Variants in DYM observed in about 807,000 individuals in gnomAD.
DYM encodes dyggve-Melchior-Clausen syndrome protein.
Under a neutral mutation model 93.1 loss-of-function variants are expected in DYM, and 78 were observed. That is an observed-to-expected ratio of 0.84 (90% CI 0.70 to 1.01). DYM has a LOEUF of 1.01. Ranked by LOEUF, DYM falls within the 50% of genes least tolerant of loss-of-function variation. The pLI is 0.00. For missense variants in DYM, 789 were observed against 845.0 expected (o/e 0.93, Z 0.82); for synonymous variants, 321 against 319.7 (o/e 1.00, Z -0.04).
chr18:49,366,349 G>T (rs2066515757), intron 5 of DYM, among the ~76,000 whole-genome samples: 1 of 152,144 alleles, frequency 6.6e-6, no homozygotes, highest in Non-Finnish European at 1.5e-5. Context: ...ACAGTAAAAA[G>T]AATCTTAAAA....
intron 14 of DYM, among the ~76,000 whole-genome samples, chr18:49,201,199 T>A (rs765641640): frequency 6.6e-6 from 1 of 152,234 alleles, no homozygotes; most frequent in South Asian, 2.1e-4. Context: ...TACTAAATAT[T>A]TGCCATGTTG....
At chr18:49,216,780 T>A (rs953532746) in intron 13 of DYM, among the ~76,000 whole-genome samples, 3 of 151,742 alleles carry the variant, frequency 2.0e-5, no homozygotes, top group African/African-American at 7.3e-5. Flanking sequence ...AGACCAAAAG[T>A]AGATAAAACC....
chr18:49,375,299 G>GTATA (rs113261543), intron 5 of DYM, among the ~76,000 whole-genome samples: 1,528 of 148,432 alleles, frequency 0.01, 28 homozygotes, highest in African/African-American at 0.036. Context: ...ATATATATAT[G>GTATA]TATATATACA....
At chr18:49,171,038 C>T (rs1426193179) in intron 14 of DYM, among the ~76,000 whole-genome samples, 2 of 151,960 alleles carry the variant, frequency 1.3e-5, no homozygotes, top group South Asian at 2.1e-4. Flanking sequence ...AAACAAAAAA[C>T]GAAGTCACTG....
chr18:49,396,510 T>C (rs1243365196), intron 2 of DYM, among the ~76,000 whole-genome samples: 1 of 152,198 alleles, frequency 6.6e-6, no homozygotes, highest in Admixed American at 6.5e-5. Context: ...ATCACGTCAG[T>C]GCTCAAAAAG....
At chr18:49,341,197 A>C (rs571287211) in intron 6 of DYM, among the ~76,000 whole-genome samples, 148 of 152,322 alleles carry the variant, frequency 9.7e-4, no homozygotes, top group Non-Finnish European at 1.2e-3. Flanking sequence ...ATACTATGAC[A>C]AAGATGATAA....
chr18:49,188,762 C>G (rs1345275555), intron 14 of DYM, among the ~76,000 whole-genome samples: 1 of 152,090 alleles, frequency 6.6e-6, no homozygotes, highest in Non-Finnish European at 1.5e-5. Context: ...CTGGGTGCAG[C>G]ACACCAATGT....
chr18:49,145,941 T>C (rs117829762), intron 15 of DYM, among the ~76,000 whole-genome samples: 2,385 of 152,274 alleles, frequency 0.016, 24 homozygotes, highest in South Asian at 0.049. Context: ...TTTGTTCTAA[T>C]AGTTCCCTTT....
At chr18:49,392,430 G>T (rs1344045606) in intron 2 of DYM, among the ~76,000 whole-genome samples, 1 of 151,948 alleles carries the variant, frequency 6.6e-6, no homozygotes, top group African/African-American at 2.4e-5. Context: ...ATGGAAAACA[G>T]TACTTGTAAA....
chr18:49,234,097 C>T (rs2093789018), intron 13 of DYM, among the ~76,000 whole-genome samples: 2 of 152,022 alleles, frequency 1.3e-5, no homozygotes, highest in South Asian at 4.1e-4. Context: ...CCACTGCACT[C>T]CAGCCTGGGT....
At chr18:49,415,549 C>T (rs1050981558) in intron 2 of DYM, among the ~76,000 whole-genome samples, 11 of 151,044 alleles carry the variant, frequency 7.3e-5, no homozygotes, top group Middle Eastern at 6.8e-3. Flanking sequence ...GCCCTTTTTG[C>T]CTTATATGAG....
intron 14 of DYM, among the ~76,000 whole-genome samples, chr18:49,175,036 GCTT>G (rs2089227619): frequency 2.6e-5 from 4 of 152,058 alleles, no homozygotes; most frequent in Admixed American, 2.6e-4. Flanking sequence ...AACTTCCCAA[GCTT>G]TTTTTCTCTA....
intron 15 of DYM, among the ~76,000 whole-genome samples, chr18:49,120,487 A>G (rs2082288620): frequency 6.6e-6 from 1 of 152,164 alleles, no homozygotes; most frequent in Admixed American, 6.5e-5. Context: ...GGAAATACCA[A>G]AAATCTGCAG....
intron 17 of DYM, among the ~76,000 whole-genome samples, chr18:49,066,772 C>A (rs2076423276): frequency 6.6e-6 from 1 of 151,948 alleles, no homozygotes; most frequent in Non-Finnish European, 1.5e-5. Context: ...TTTTCTTATC[C>A]CTGATCTTGC....
At chr18:49,194,728 C>T (rs944309259) in intron 14 of DYM, among the ~76,000 whole-genome samples, 1 of 151,860 alleles carries the variant, frequency 6.6e-6, no homozygotes, top group African/African-American at 2.4e-5. Flanking sequence ...CTTAACAATA[C>T]TCTCATAAGT....
Position 49,400,984 on chromosome 18 carries a change from G to A in DYM, c.141-9339C>T, listed in dbSNP as rs146463763. ...AAGTAAAATGGTACTGTAAAAATAT[G>A]CCAGTGTTTCCAAGAATATTACAAT... On this transcript the variant is annotated intron_variant, in intron 2 of 17. Transcript: ENST00000675505. Among the ~76,000 whole-genome samples the A allele has an allele frequency of 2.7e-3, 412 of 152,242 alleles. 1 individual carries two copies. Among genetic ancestry groups the A allele is most frequent in the African/African-American group, 9.5e-3 (395 of 41,546 alleles).
intron 1 of DYM, among the ~76,000 whole-genome samples, chr18:49,457,849 G>C (rs1279107617): frequency 6.6e-6 from 1 of 152,194 alleles, no homozygotes; most frequent in Non-Finnish European, 1.5e-5. Context: ...TCCCACTTGT[G>C]GTCAGAGACT....
intron 15 of DYM, among the ~76,000 whole-genome samples, chr18:49,156,161 G>C (rs2086395324): frequency 6.6e-6 from 1 of 152,206 alleles, no homozygotes; most frequent in Non-Finnish European, 1.5e-5. Context: ...AGTATATTTT[G>C]ATGTGCTAAT....
chr18:49,264,097 C>A (rs1451165889), intron 11 of DYM, among the ~76,000 whole-genome samples: 1 of 121,108 alleles, frequency 8.3e-6, no homozygotes, highest in African/African-American at 3.0e-5. Context: ...ATTGGATGGG[C>A]GTTGTTTTTT....
Sources: gnomAD v4.1 joint callset for allele counts (sites outside exome capture counted in the v4.1 genomes callset) on GRCh38, gnomAD v4.1.1 for gene constraint, MANE v1.5 for transcripts, NCBI Gene and HGNC (gene_info 2026-07-23, HGNC 2026-07-21) for gene names.